The following HOXC5 variants were observed in gnomAD, a reference collection of about 807,000 sequenced individuals.
HOXC5 encodes homeobox C5, also known as homeobox protein Hox-C5.
A neutral mutation model predicts 20.1 loss-of-function variants in HOXC5; 19 were observed. The observed-to-expected ratio is 0.94, with a 90% confidence interval of 0.66 to 1.38. HOXC5 has a LOEUF of 1.38. Ranked by LOEUF, HOXC5 falls within the 40% of genes most tolerant of loss-of-function variation. The probability of loss-of-function intolerance (pLI) is 0.00; values close to 1 mark genes in which losing one functional copy is unlikely to be tolerated. For missense variants in HOXC5, 330 were observed against 300.1 expected (o/e 1.10, Z -0.74); for synonymous variants, 124 against 117.0 (o/e 1.06, Z -0.39).
the HOXC5 span, chr12:54,022,363 C>T: frequency 6.6e-6 from 1 of 152,174 alleles, no homozygotes; most frequent in Non-Finnish European, 1.5e-5. Flanking sequence ...TGCCCCTTTG[C>T]TAAAGATCCT....
At chr12:54,023,287 T>A in the HOXC5 span, among the ~76,000 whole-genome samples, 1 of 152,302 alleles carries the variant, frequency 6.6e-6, no homozygotes, top group African/African-American at 2.4e-5. Context: ...ATTTTACGTT[T>A]TAACCTTAAG....
upstream of HOXC5, chr12:54,030,472 C>G (rs1249077): frequency 1.3e-5 from 2 of 153,002 alleles, no homozygotes; most frequent in East Asian, 3.9e-4. Flanking sequence ...CCTGCCTAGC[C>G]CCTCTGCCCC....
intron 1 of HOXC5, 83 bp from the exon 2 acceptor site, chr12:54,034,195 T>G (rs1161511140): frequency 1.2e-5 from 15 of 1,270,928 alleles, no homozygotes; most frequent in Admixed American, 1.7e-5. Flanking sequence ...CGGCCGCGGG[T>G]GGGGGCCTGG....
At position 54,033,475 on chromosome 12, in the gene HOXC5, T is replaced by C; in HGVS notation, c.353T>C (p.Ile118Thr). ...LEERAKSSGE[I>T]KEEQAQTGQP... ...GAGCGAGCTAAGAGCAGTGGGGAGA[T>C]CAAAGAGGAGCAGGCGCAGACAGGG... Residue 118 changes from isoleucine (I) to threonine (T), a missense_variant, in exon 1 of 2, where the codon ATC becomes ACC. Physicochemically the swap from Ile to Thr is moderately conservative, Grantham distance 89. Transcript: ENST00000312492. The C allele has an allele frequency of 6.3e-7, 1 of 1,596,160 alleles. No homozygotes were observed. Among genetic ancestry groups the C allele is most frequent in the Non-Finnish European group, 8.5e-7 (1 of 1,173,876 alleles).
the HOXC5 span, among the ~76,000 whole-genome samples, chr12:54,024,254 G>A: frequency 6.6e-6 from 1 of 152,278 alleles, no homozygotes; most frequent in Admixed American, 6.5e-5. Flanking sequence ...GTGGGGGCAG[G>A]GTCGGGCAGC....
chr12:54,033,044 A>T, upstream of HOXC5: 1 of 1,234,164 alleles, frequency 8.1e-7, no homozygotes, highest in Admixed American at 2.1e-5. Flanking sequence ...TTGGAGAACA[A>T]AAAACCCCTC....
the HOXC5 span, chr12:54,021,869 CAGG>C: frequency 6.6e-6 from 1 of 152,492 alleles, no homozygotes; most frequent in African/African-American, 2.4e-5. Context: ...CGAACTCGCC[CAGG>C]AGAACAAAGT....
chr12:54,029,794 G>C, upstream of HOXC5: 1 of 1,614,082 alleles, frequency 6.2e-7, no homozygotes. Context: ...CGCTTTGCCT[G>C]ACCGAGCGAC....
chr12:54,024,900 C>T, the HOXC5 span, among the ~76,000 whole-genome samples: 2 of 152,244 alleles, frequency 1.3e-5, no homozygotes, highest in Non-Finnish European at 2.9e-5. Context: ...ATGTGTTTTG[C>T]ATTGGAGAGG....
At chr12:54,030,546 A>T (rs1940947324), upstream of HOXC5, 1 of 152,798 alleles carries the variant, frequency 6.5e-6, no homozygotes, top group Non-Finnish European at 1.5e-5. Context: ...GGCATTTTAC[A>T]AACTGTGACC....
the HOXC5 span, among the ~76,000 whole-genome samples, chr12:54,027,748 C>G: frequency 6.6e-6 from 1 of 152,160 alleles, no homozygotes; most frequent in Non-Finnish European, 1.5e-5. Context: ...AGAGCAGATG[C>G]GTGGCCCATT....
the HOXC5 span, among the ~76,000 whole-genome samples, chr12:54,026,127 G>A: frequency 6.6e-6 from 1 of 152,232 alleles, no homozygotes; most frequent in South Asian, 2.1e-4. Context: ...AAATTGGAGG[G>A]GGGGACAGAG....
chr12:54,031,741 G>C (rs1412300069), upstream of HOXC5, among the ~76,000 whole-genome samples: 1 of 152,200 alleles, frequency 6.6e-6, no homozygotes, highest in Non-Finnish European at 1.5e-5. Flanking sequence ...TTCTCCTGGC[G>C]GGGCGGAGAT....
At chr12:54,033,982 T>A in intron 1 of HOXC5, 1 of 554,766 alleles carries the variant, frequency 1.8e-6, no homozygotes, top group Non-Finnish European at 3.5e-6. Context: ...TCCCCGGTGC[T>A]CGGATCTCGA....
intron 1 of HOXC5, 110 bp from the exon 2 acceptor site, chr12:54,034,168 C>G: frequency 9.3e-7 from 1 of 1,080,186 alleles, no homozygotes; most frequent in Non-Finnish European, 1.4e-6. Flanking sequence ...TCTTGCGGCT[C>G]TCGCCTCCTC....
chr12:54,032,767 T>G, upstream of HOXC5: 1 of 170,738 alleles, frequency 5.9e-6, no homozygotes, highest in Non-Finnish European at 1.2e-5. Context: ...GTGGGCTTGT[T>G]GTCCCGGCTA....
At chr12:54,028,463 A>G (rs536737464), upstream of HOXC5, 2 of 1,553,854 alleles carry the variant, frequency 1.3e-6, no homozygotes, top group African/African-American at 2.7e-5. Context: ...TCCGAGTACA[A>G]ACTGGAGACA....
At chr12:54,028,322 G>C (rs538405644), upstream of HOXC5, 1 of 541,786 alleles carries the variant, frequency 1.8e-6, no homozygotes, top group East Asian at 2.9e-5. Context: ...GTCTCAACTA[G>C]GGAATCAACA....
upstream of HOXC5, among the ~76,000 whole-genome samples, chr12:54,031,310 G>A (rs1266314627): frequency 6.6e-6 from 1 of 152,238 alleles, no homozygotes; most frequent in Non-Finnish European, 1.5e-5. Context: ...AAACGTAGCG[G>A]AGGCGGAGAG....
Sources: allele counts gnomAD v4.1 joint callset (sites outside exome capture counted in the v4.1 genomes callset), GRCh38; gene constraint gnomAD v4.1.1; transcripts MANE v1.5; gene names NCBI Gene and HGNC (gene_info 2026-07-23, HGNC 2026-07-21).